The following PKP4 variants were observed in gnomAD, a reference collection of about 807,000 sequenced individuals.
PKP4 encodes plakophilin 4.
In PKP4, 90 loss-of-function variants were observed where a neutral mutation model predicts 145.1. The observed-to-expected ratio is 0.62, with a 90% CI of 0.52 to 0.74. PKP4 has a LOEUF of 0.74. Ranked by LOEUF, PKP4 falls within the 30% of genes least tolerant of loss-of-function variation. The pLI is 0.00. For synonymous variants in PKP4, 563 were observed against 577.2 expected (o/e 0.98, Z 0.35); for missense variants, 1,340 against 1,482.7 (o/e 0.90, Z 1.58).
chr2:158,521,195 C>T (rs886371544), intron 1 of PKP4, among the ~76,000 whole-genome samples: 1 of 152,196 alleles, frequency 6.6e-6, no homozygotes, highest in African/African-American at 2.4e-5. Context: ...ACACTGTCAT[C>T]AGCAGCATGG....
intron 11 of PKP4, among the ~76,000 whole-genome samples, chr2:158,645,724 G>A (rs1333466309): frequency 6.6e-6 from 1 of 152,194 alleles, no homozygotes; most frequent in African/African-American, 2.4e-5. Context: ...TCTCATAGGA[G>A]GAATGAGTCT....
At chr2:158,460,665 T>C (rs1421576829) in intron 1 of PKP4, among the ~76,000 whole-genome samples, 1 of 152,224 alleles carries the variant, frequency 6.6e-6, no homozygotes, top group Non-Finnish European at 1.5e-5. Flanking sequence ...TGCTTAATTC[T>C]AAAATGGACA....
At position 158,496,759 on chromosome 2, in the gene PKP4, C is replaced by CGTGTGT. The variant is rs58108158; in HGVS notation, c.-5-36390_-5-36385dup. Among the ~76,000 whole-genome samples the CGTGTGT allele has an allele frequency of 6.4e-3, 929 of 144,946 alleles. 3 individuals carry two copies. Among genetic ancestry groups the CGTGTGT allele is most frequent in the South Asian group, 0.023 (102 of 4,426 alleles). ...CTCACTCTCTCTCGCCTTCTCTCTC[C>CGTGTGT]GTGTGTGTGTGTGTGTGTGTGTGTG... On this transcript the variant is annotated intron_variant, in intron 1 of 21. Transcript: ENST00000389759.
At chr2:158,674,572 G>A (rs1032184062) in intron 19 of PKP4, among the ~76,000 whole-genome samples, 4 of 152,180 alleles carry the variant, frequency 2.6e-5, no homozygotes, top group African/African-American at 4.8e-5. Context: ...GCCTTACAGT[G>A]TGGGTCTGTA....
At chr2:158,555,241 C>T (rs776986706) in intron 2 of PKP4, among the ~76,000 whole-genome samples, 12 of 152,130 alleles carry the variant, frequency 7.9e-5, no homozygotes, top group African/African-American at 1.7e-4. Flanking sequence ...TTGTTCAGTC[C>T]GTTCTTTTTC....
chr2:158,556,103 T>C (rs1050257666), intron 2 of PKP4, among the ~76,000 whole-genome samples: 1 of 152,260 alleles, frequency 6.6e-6, no homozygotes, highest in Admixed American at 6.5e-5. Flanking sequence ...TATCACATTA[T>C]TACACTGTGA....
intron 3 of PKP4, among the ~76,000 whole-genome samples, chr2:158,595,069 A>G (rs2049606046): frequency 6.6e-6 from 1 of 152,176 alleles, no homozygotes; most frequent in Admixed American, 6.5e-5. Flanking sequence ...TAACTGCTCT[A>G]TTTGTTCTGA....
intron 4 of PKP4, among the ~76,000 whole-genome samples, chr2:158,615,065 C>T (rs1035123889): frequency 1.3e-5 from 2 of 150,712 alleles, no homozygotes; most frequent in African/African-American, 2.4e-5. Flanking sequence ...TCAAAAGAAT[C>T]GTTTCTTTCT....
At position 158,522,774 on chromosome 2, in the gene PKP4, G is replaced by C. The variant is rs533187166; in HGVS notation, c.-5-10406G>C. ...AGTGGGCGCAGGCCAGTGGGTGTGC[G>C]CACCGTGCGCGAGCCAAAGCAGGGC... On this transcript the variant is annotated intron_variant, in intron 1 of 21. Coordinates refer to ENST00000389759, the MANE Select transcript of PKP4 (RefSeq NM_003628.6). Among the ~76,000 whole-genome samples the C allele has an allele frequency of 2.8e-3, 432 of 152,324 alleles. 4 individuals are homozygous for C. Among genetic ancestry groups the C allele is most frequent in the Non-Finnish European group, 2.2e-3 (153 of 68,026 alleles).
intron 1 of PKP4, among the ~76,000 whole-genome samples, chr2:158,521,264 G>A (rs2042348432): frequency 1.3e-5 from 2 of 152,142 alleles, no homozygotes; most frequent in Non-Finnish European, 2.9e-5. Flanking sequence ...CCATTCTGGT[G>A]CTTGTGTATT....
chr2:158,626,067 TA>T (rs2052756599), intron 7 of PKP4, among the ~76,000 whole-genome samples: 1 of 152,218 alleles, frequency 6.6e-6, no homozygotes, highest in Non-Finnish European at 1.5e-5. Flanking sequence ...TTATTTTAAA[TA>T]AAATGCAATT....
intron 2 of PKP4, chr2:158,533,542 C>T (rs1032741719): frequency 6.1e-5 from 38 of 621,788 alleles, no homozygotes; most frequent in Non-Finnish European, 1.5e-5. Context: ...CAAGTAAGGA[C>T]AATCTCGATG....
At chr2:158,489,524 C>T (rs1008219168) in intron 1 of PKP4, among the ~76,000 whole-genome samples, 1 of 152,176 alleles carries the variant, frequency 6.6e-6, no homozygotes, top group Non-Finnish European at 1.5e-5. Flanking sequence ...AGCTACCCAT[C>T]GCAGCACTCA....
intron 3 of PKP4, among the ~76,000 whole-genome samples, chr2:158,588,615 C>T (rs1005582732): frequency 9.9e-5 from 15 of 152,044 alleles, no homozygotes; most frequent in African/African-American, 3.6e-4. Flanking sequence ...CATTGTAGAA[C>T]AAAGTACACC....
chr2:158,661,682 C>G (rs1291384725), intron 13 of PKP4: 2 of 375,796 alleles, frequency 5.3e-6, no homozygotes, highest in Non-Finnish European at 1.0e-5. Context: ...AAGGCTTTCT[C>G]TCTGGTTCCC....
chr2:158,599,989 T>C (rs2050090838), intron 3 of PKP4, among the ~76,000 whole-genome samples: 1 of 152,206 alleles, frequency 6.6e-6, no homozygotes. Flanking sequence ...TTGCCTCCAT[T>C]TGCATCTGAA....
chr2:158,555,748 A>G (rs2046033513), intron 2 of PKP4, among the ~76,000 whole-genome samples: 1 of 152,172 alleles, frequency 6.6e-6, no homozygotes, highest in African/African-American at 2.4e-5. Context: ...ACTTTTGATC[A>G]TGATATAATT....
chr2:158,522,836 G>A (rs1467173972), intron 1 of PKP4, among the ~76,000 whole-genome samples: 1 of 152,202 alleles, frequency 6.6e-6, no homozygotes. Flanking sequence ...AAGGGGTCAG[G>A]GAGTTCCCTT....
At chr2:158,465,156 A>G (rs1189829689) in intron 1 of PKP4, among the ~76,000 whole-genome samples, 1 of 152,206 alleles carries the variant, frequency 6.6e-6, no homozygotes, top group African/African-American at 2.4e-5. Flanking sequence ...GAGGTAGAGA[A>G]GATTGTCCTA....
Sources: allele counts gnomAD v4.1 joint callset (sites outside exome capture counted in the v4.1 genomes callset), GRCh38; gene constraint gnomAD v4.1.1; transcripts MANE v1.5; gene names NCBI Gene and HGNC (gene_info 2026-07-23, HGNC 2026-07-21).